DCC: variants seen among roughly 807,000 people sequenced by gnomAD.
DCC encodes netrin receptor DCC.
DCC carries 58 observed loss-of-function variants against 172.5 expected under a neutral mutation model. The observed-to-expected ratio is 0.34, with a 90% CI of 0.27 to 0.42. The LOEUF (loss-of-function observed/expected upper bound fraction) is 0.42, where lower values mean the gene tolerates loss of function less well. Ranked by LOEUF, DCC falls within the 10% of genes least tolerant of loss-of-function variation. The pLI, the probability that DCC is intolerant of heterozygous loss-of-function variation, is 1.00. For missense variants in DCC, 1,740 were observed against 1,791.0 expected (o/e 0.97, Z 0.51); for synonymous variants, 709 against 644.5 (o/e 1.10, Z -1.52).
intron 2 of DCC, among the ~76,000 whole-genome samples, chr18:52,894,417 A>G: frequency 6.6e-6 from 1 of 151,342 alleles, no homozygotes; most frequent in Admixed American, 6.6e-5. Flanking sequence ...ACACACACAC[A>G]CATGCATACA....
intron 1 of DCC, among the ~76,000 whole-genome samples, chr18:52,499,603 C>T (rs2030942731): frequency 6.6e-6 from 1 of 152,248 alleles, no homozygotes; most frequent in Non-Finnish European, 1.5e-5. Flanking sequence ...ACATGAGGTC[C>T]TTGCTTAACA....
intron 1 of DCC, among the ~76,000 whole-genome samples, chr18:52,435,427 G>A (rs1046114040): frequency 6.6e-6 from 1 of 151,982 alleles, no homozygotes; most frequent in South Asian, 2.1e-4. Flanking sequence ...CATATCTCCC[G>A]TCTGCCTGGC....
At chr18:53,276,932 G>A (rs964483120) in intron 12 of DCC, among the ~76,000 whole-genome samples, 4 of 151,974 alleles carry the variant, frequency 2.6e-5, no homozygotes, top group African/African-American at 9.7e-5. Flanking sequence ...GAAGCCATGG[G>A]AAATAATTTA....
intron 1 of DCC, among the ~76,000 whole-genome samples, chr18:52,715,494 A>C (rs1276161850): frequency 6.6e-6 from 1 of 152,014 alleles, no homozygotes; most frequent in Non-Finnish European, 1.5e-5. Context: ...TAGTAGAGAC[A>C]GGGTTTTACC....
chr18:53,038,459 T>C (rs139645476), intron 5 of DCC, among the ~76,000 whole-genome samples: 394 of 152,106 alleles, frequency 2.6e-3, no homozygotes, highest in African/African-American at 8.9e-3. Context: ...ACCATTACTT[T>C]GGAAGTTAGG....
At chr18:53,426,949 A>G (rs1465224165) in intron 21 of DCC, among the ~76,000 whole-genome samples, 3 of 152,222 alleles carry the variant, frequency 2.0e-5, no homozygotes, top group Non-Finnish European at 2.9e-5. Context: ...CACTTGGAGG[A>G]GAGAACTCTC....
intron 12 of DCC, among the ~76,000 whole-genome samples, chr18:53,270,812 T>C (rs1410155833): frequency 6.6e-6 from 1 of 152,194 alleles, no homozygotes; most frequent in African/African-American, 2.4e-5. Flanking sequence ...GCTTTATTCA[T>C]AATTTTTACT....
chr18:53,382,105 C>CACACACACACA (rs1555661810), intron 15 of DCC, among the ~76,000 whole-genome samples: 10 of 51,884 alleles, frequency 1.9e-4, no homozygotes, highest in African/African-American at 3.5e-4. Context: ...CACACACACA[C>CACACACACACA]CCCTACCTCC....
At chr18:52,708,632 C>T (rs1016608121) in intron 1 of DCC, among the ~76,000 whole-genome samples, 1 of 152,022 alleles carries the variant, frequency 6.6e-6, no homozygotes, top group African/African-American at 2.4e-5. Flanking sequence ...TGCACCTGTC[C>T]CTGCGAAAGG....
rs538182982 is a variant in DCC, at chr18:53,489,399, C to T, written c.3898+2441C>T. ...CTAGGAAACTAAATATTCTCTAAAT[C>T]ACTGTCAGAAACAATTAACTAACTT... On this transcript the variant is annotated intron_variant, in intron 26 of 28. Transcript: ENST00000442544. Among the ~76,000 whole-genome samples the T allele has an allele frequency of 2.0e-5, 3 of 152,270 alleles. No homozygotes were observed. In the South Asian group the frequency reaches 6.2e-4, roughly 32 times the overall value.
intron 21 of DCC, among the ~76,000 whole-genome samples, chr18:53,425,524 G>A (rs150679731): frequency 5.8e-4 from 88 of 151,692 alleles, no homozygotes; most frequent in African/African-American, 2.0e-3. Flanking sequence ...ACTATGCCCG[G>A]CTAAATCTTG....
chr18:53,320,185 GC>G (rs1465500257), intron 13 of DCC, among the ~76,000 whole-genome samples: 2 of 147,640 alleles, frequency 1.4e-5, no homozygotes, highest in African/African-American at 5.0e-5. Context: ...CCATTCTCCT[GC>G]CTCAGCCTCC....
chr18:53,037,746 A>T (rs1193619036), intron 5 of DCC, among the ~76,000 whole-genome samples: 1 of 151,958 alleles, frequency 6.6e-6, no homozygotes, highest in Non-Finnish European at 1.5e-5. Context: ...TCATTCTCAC[A>T]TTCCATTTAT....
chr18:53,149,471 C>A (rs1003730447), intron 7 of DCC, among the ~76,000 whole-genome samples: 2 of 152,152 alleles, frequency 1.3e-5, no homozygotes, highest in South Asian at 4.1e-4. Flanking sequence ...AAGGTTCATA[C>A]CATTTAATTG....
At chr18:52,875,723 C>A (rs1054607385) in intron 2 of DCC, among the ~76,000 whole-genome samples, 3 of 152,190 alleles carry the variant, frequency 2.0e-5, no homozygotes, top group Non-Finnish European at 2.9e-5. Context: ...GCTTGCAGTT[C>A]TGTTGTCACT....
intron 1 of DCC, among the ~76,000 whole-genome samples, chr18:52,418,537 C>A (rs1987126783): frequency 1.3e-5 from 2 of 152,240 alleles, no homozygotes; most frequent in South Asian, 4.2e-4. Flanking sequence ...TTCCAAATGG[C>A]TCAAAGATGC....
At chr18:52,420,152 A>G (rs1406830628) in intron 1 of DCC, among the ~76,000 whole-genome samples, 1 of 152,194 alleles carries the variant, frequency 6.6e-6, no homozygotes, top group Non-Finnish European at 1.5e-5. Flanking sequence ...CATTTAGAAA[A>G]AAACAAGGCA....
In DCC at chr18:52,841,476, G is replaced by T. The variant is rs190735767; in HGVS notation, c.413-64568G>T. On this transcript the variant is annotated intron_variant, in intron 2 of 28. Transcript: ENST00000442544. ...TCCTAAATTGAATACCAGGAATTTG[G>T]CTCCTGCTTTTAGATAAAACACTGT... Among the ~76,000 whole-genome samples the T allele has an allele frequency of 2.2e-3, 332 of 152,196 alleles. 2 individuals carry two copies. The highest frequency in any genetic ancestry group is 7.6e-3 in the African/African-American group (317 of 41,546).
intron 8 of DCC, among the ~76,000 whole-genome samples, chr18:53,171,762 C>T (rs1397436478): frequency 6.6e-6 from 1 of 151,374 alleles, no homozygotes; most frequent in African/African-American, 2.4e-5. Flanking sequence ...AAACAGCAAA[C>T]ATATGAAAAA....
Sources: allele counts gnomAD v4.1 joint callset (sites outside exome capture counted in the v4.1 genomes callset), GRCh38; gene constraint gnomAD v4.1.1; transcripts MANE v1.5; gene names NCBI Gene and HGNC (gene_info 2026-07-23, HGNC 2026-07-21).